Variants in MTMR12 observed in about 807,000 individuals in gnomAD.
MTMR12 encodes myotubularin related protein 12, also known as myotubularin-related protein 12.
A neutral mutation model predicts 96.7 loss-of-function variants in MTMR12; 33 were observed. The ratio of observed to expected loss-of-function variants is 0.34; its 90% CI spans 0.26 to 0.46. The LOEUF is 0.46. Among genes scored for constraint, MTMR12 ranks in the 20% least tolerant of loss-of-function variants. The probability of loss-of-function intolerance (pLI) is 1.00; values close to 1 mark genes in which losing one functional copy is unlikely to be tolerated. For missense variants in MTMR12, 721 were observed against 896.1 expected (o/e 0.80, Z 2.49); for synonymous variants, 298 against 327.2 (o/e 0.91, Z 0.96).
chr5:32,299,087 G>GCA (rs147880558), intron 1 of MTMR12, among the ~76,000 whole-genome samples: 6 of 149,978 alleles, frequency 4.0e-5, no homozygotes, highest in African/African-American at 4.9e-5. Context: ...ACACACACAC[G>GCA]CACACACACA....
At position 32,233,497 on chromosome 5, in the gene MTMR12, C is replaced by CACAG. The variant is rs1423083283; in HGVS notation, c.1674+275_1674+276insCTGT. Reference sequence around the variant, plus strand: ...AAACACACACACACACACACACACACAGGCAGGACAAGAGGCACGATTCCA... The same window carrying CACAG: ...AAACACACACACACACACACACACACACAGAGGCAGGACAAGAGGCACGATTCCA... On this transcript the variant is annotated intron_variant, in intron 15 of 15. Transcript: ENST00000382142. The surrounding 1 kb of genome is among the most constrained non-coding windows in gnomAD (Gnocchi z 5.0). Among the ~76,000 whole-genome samples the CACAG allele has an allele frequency of 6.6e-6, 1 of 151,550 alleles. No individual in the cohort carries two copies. The highest frequency in any genetic ancestry group is 2.4e-5 in the African/African-American group (1 of 41,290).
chr5:32,294,373 G>T (rs1750847308), intron 1 of MTMR12, among the ~76,000 whole-genome samples: 1 of 151,836 alleles, frequency 6.6e-6, no homozygotes, highest in Admixed American at 6.6e-5. Context: ...CACAATCTTG[G>T]CTCACTGCAA....
At chr5:32,256,304 T>A (rs1230217050) in intron 7 of MTMR12, among the ~76,000 whole-genome samples, 2 of 152,206 alleles carry the variant, frequency 1.3e-5, no homozygotes, top group African/African-American at 4.8e-5. Context: ...GTACTGAACA[T>A]TACTTATCGA....
intron 1 of MTMR12, among the ~76,000 whole-genome samples, chr5:32,298,687 G>C (rs531034672): frequency 2.0e-5 from 3 of 152,006 alleles, no homozygotes; most frequent in Admixed American, 1.3e-4. Context: ...AGTGGCTCAC[G>C]CCTGTAATCC....
chr5:32,262,347 T>A (rs1385707383), intron 7 of MTMR12, among the ~76,000 whole-genome samples: 1 of 152,132 alleles, frequency 6.6e-6, no homozygotes, highest in African/African-American at 2.4e-5. Context: ...ATGCCTGTAA[T>A]CCTAGAAGTT....
rs1751663082 is a variant in MTMR12, at chr5:32,312,914, CCACCAG to C, written c.-82_-77del. 1.5e-6 allele frequency: 2 copies of C among 1,343,848 alleles called. No homozygotes were observed. The highest frequency in any genetic ancestry group is 6.3e-5 in the Admixed American group (2 of 31,856). The allele number at this position is 1,343,848 out of a possible 1,614,324, so 83.2% of individuals were successfully genotyped here. On this transcript the variant is annotated 5_prime_UTR_variant, in exon 1 of 16. Transcript: ENST00000382142. The surrounding 1 kb of genome is among the most constrained non-coding windows in gnomAD (Gnocchi z 5.0). The stretch of plus-strand genomic sequence containing the variant: ...GCTCCAGCTGGGGCAGCAGCGGCGG[CCACCAG>C]CACTAGCGGCTGGGGCTCCGCCCAT...
chr5:32,283,360 G>A (rs1302945360), intron 1 of MTMR12, among the ~76,000 whole-genome samples: 9 of 148,164 alleles, frequency 6.1e-5, no homozygotes, highest in Non-Finnish European at 1.2e-4. Context: ...GTTGAGAAGT[G>A]AATAATAACA....
At chr5:32,242,215 A>T in intron 11 of MTMR12, 88 bp from the exon 12 acceptor site, 1 of 867,378 alleles carries the variant, frequency 1.2e-6, no homozygotes, top group Non-Finnish European at 1.8e-6. Context: ...GTCTGACTTG[A>T]TCTTCAGTCT....
chr5:32,266,901 A>G (rs527589004), intron 6 of MTMR12, among the ~76,000 whole-genome samples: 13 of 151,872 alleles, frequency 8.6e-5, no homozygotes, highest in Non-Finnish European at 1.5e-4. Context: ...AACATGGTGA[A>G]ACCCCGTCTC....
intron 1 of MTMR12, among the ~76,000 whole-genome samples, chr5:32,279,620 G>A (rs1327209267): frequency 1.3e-5 from 2 of 152,228 alleles, no homozygotes; most frequent in East Asian, 3.8e-4. Flanking sequence ...TCCGTTAGGA[G>A]AACTACTTCA....
At chr5:32,270,725 C>T in intron 5 of MTMR12, 92 bp downstream of exon 5, 1 of 1,380,104 alleles carries the variant, frequency 7.2e-7, no homozygotes, top group Non-Finnish European at 9.9e-7. Flanking sequence ...GTGAAAGCCT[C>T]CCCTCAACCT....
chr5:32,293,690 T>C (rs1750823487), intron 1 of MTMR12, among the ~76,000 whole-genome samples: 1 of 152,194 alleles, frequency 6.6e-6, no homozygotes, highest in African/African-American at 2.4e-5. Flanking sequence ...ACAAACCCTG[T>C]GTTCCCTGGA....
chr5:32,242,087 C>A lies in MTMR12; in HGVS notation c.1141G>T (p.Glu381Ter). The change falls in exon 12 of 16, where the codon GAA becomes TAA. Residue 381 changes from glutamate to a stop codon, truncating the protein, a stop_gained. Transcript: ENST00000382142. LOFTEE classifies it high-confidence loss of function. The stretch of plus-strand genomic sequence containing the variant: ...AGAAGAACATTCATGTTTTGTGCTT[C>A]CATACATTCTGTAATCTCTATTGCT... ...KKAIEITECM[E>*]AQNMNVLLLE... The A allele has an allele frequency of 6.2e-7, 1 of 1,612,856 alleles. No individual in the cohort carries two copies. Among genetic ancestry groups the A allele is most frequent in the African/African-American group, 1.3e-5 (1 of 75,010 alleles).
rs1471582446 is a variant in MTMR12 at position 32,310,227 on chromosome 5, C to G, written c.81+2531G>C. On this transcript the variant is annotated intron_variant, in intron 1 of 15. Coordinates refer to ENST00000382142, the MANE Select transcript of MTMR12 (RefSeq NM_001040446.3). ...GCTACTTGGGAAAATGGCTTGAGTA[C>G]AGGAGGTGGAGGCTACAGTGAGCTG... 2.0e-5 allele frequency among the ~76,000 whole-genome samples: 3 copies of G among 152,168 alleles called. No individual in the cohort carries two copies. In the East Asian group the frequency reaches 5.8e-4, roughly 29 times the overall value.
rs140849473 is a variant in MTMR12, at chr5:32,297,317, A to G, written c.81+15441T>C. ...AAGCTGACCTGTTATTCCCCACTCA[A>G]TCCCTCTGTTTACATTGTACCTCTA... On this transcript the variant is annotated intron_variant, in intron 1 of 15. Coordinates refer to ENST00000382142, the MANE Select transcript of MTMR12 (RefSeq NM_001040446.3). 6.6e-5 allele frequency among the ~76,000 whole-genome samples: 10 copies of G among 152,176 alleles called. No homozygotes were observed. In the East Asian group the frequency reaches 1.9e-3, roughly 29 times the overall value.
intron 10 of MTMR12, among the ~76,000 whole-genome samples, chr5:32,244,829 G>A (rs1748617313): frequency 6.6e-6 from 1 of 151,828 alleles, no homozygotes; most frequent in African/African-American, 2.4e-5. Context: ...TATATACAAG[G>A]GGACTTCAAA....
chr5:32,285,887 G>A (rs1042925513), intron 1 of MTMR12, among the ~76,000 whole-genome samples: 1 of 151,634 alleles, frequency 6.6e-6, no homozygotes, highest in South Asian at 2.1e-4. Context: ...CTATGTTTCT[G>A]AGGAGTGGCC....
intron 10 of MTMR12, 27 bp downstream of exon 10, chr5:32,247,975 A>G: frequency 6.2e-7 from 1 of 1,606,392 alleles, no homozygotes; most frequent in Non-Finnish European, 8.5e-7. Flanking sequence ...ATATAACACA[A>G]AAGTTTTTGC....
chr5:32,306,808 C>A (rs1751384079), intron 1 of MTMR12, among the ~76,000 whole-genome samples: 1 of 152,182 alleles, frequency 6.6e-6, no homozygotes, highest in African/African-American at 2.4e-5. Flanking sequence ...AGTATATTAT[C>A]TTTAAATTCT....
Sources: allele counts gnomAD v4.1 joint callset (sites outside exome capture counted in the v4.1 genomes callset), GRCh38; gene constraint gnomAD v4.1.1; non-coding constraint Gnocchi (gnomAD v3.1); transcripts MANE v1.5; gene names NCBI Gene and HGNC (gene_info 2026-07-23, HGNC 2026-07-21).